The following UGCG variants were observed in gnomAD, a reference collection of about 807,000 sequenced individuals.
UGCG encodes the protein UDP-glucose ceramide glucosyltransferase, also known as ceramide glucosyltransferase.
Under a neutral mutation model 49.5 loss-of-function variants are expected in UGCG, and 10 were observed. That is an observed-to-expected ratio of 0.20 (90% CI 0.12 to 0.34). The LOEUF (loss-of-function observed/expected upper bound fraction) is 0.34, where lower values mean the gene tolerates loss of function less well. UGCG is among the 10% of genes least tolerant of loss of function. The probability of loss-of-function intolerance (pLI) is 1.00; values close to 1 mark genes in which losing one functional copy is unlikely to be tolerated. For missense variants in UGCG, 312 were observed against 483.7 expected (o/e 0.65, Z 3.33); for synonymous variants, 182 against 158.2 (o/e 1.15, Z -1.13).
At chr9:111,908,423 A>G (rs1327527187) in intron 1 of UGCG, among the ~76,000 whole-genome samples, 3 of 152,250 alleles carry the variant, frequency 2.0e-5, no homozygotes, top group African/African-American at 4.8e-5. Context: ...TGAGGGGAGC[A>G]TAGTACGTGG....
chr9:111,929,477 C>T, intron 5 of UGCG, 23 bp from the exon 6 acceptor site: 1 of 1,593,172 alleles, frequency 6.3e-7, no homozygotes, highest in Non-Finnish European at 8.5e-7. Context: ...TCTAATCATA[C>T]ACGTTTGTGG....
chr9:111,903,813 C>A (rs1454914625), intron 1 of UGCG, among the ~76,000 whole-genome samples: 1 of 152,152 alleles, frequency 6.6e-6, no homozygotes. Context: ...CTAGGCTGGT[C>A]TCGAACTCCT....
intron 2 of UGCG, among the ~76,000 whole-genome samples, chr9:111,922,467 T>G (rs1743845379): frequency 6.6e-6 from 1 of 152,196 alleles, no homozygotes. Context: ...TTTGCTTCCT[T>G]TTGATGTCAC....
intron 2 of UGCG, 27 bp from the exon 3 acceptor site, chr9:111,922,822 A>G: frequency 6.5e-7 from 1 of 1,532,550 alleles, no homozygotes; most frequent in Non-Finnish European, 8.9e-7. Flanking sequence ...TAAAGAATTT[A>G]ATTTACATAC....
chr9:111,906,105 A>G (rs1187185570), intron 1 of UGCG, among the ~76,000 whole-genome samples: 1 of 152,068 alleles, frequency 6.6e-6, no homozygotes, highest in East Asian at 1.9e-4. Context: ...TGGTTTATTC[A>G]CTTGTGATCT....
intron 1 of UGCG, 33 bp downstream of exon 1, chr9:111,897,346 AG>A: frequency 1.3e-6 from 2 of 1,514,648 alleles, no homozygotes; most frequent in Non-Finnish European, 8.9e-7. Flanking sequence ...GGCTCGGGGC[AG>A]GGGTCCGGGC....
At chr9:111,902,940 G>A (rs373916709) in intron 1 of UGCG, among the ~76,000 whole-genome samples, 2 of 152,036 alleles carry the variant, frequency 1.3e-5, no homozygotes, top group African/African-American at 2.4e-5. Context: ...ACCACACCCC[G>A]CTAATTTTTG....
chr9:111,932,538 C>T (rs780651507), intron 8 of UGCG, among the ~76,000 whole-genome samples, 179 bp downstream of exon 8: 1 of 152,174 alleles, frequency 6.6e-6, no homozygotes, highest in Admixed American at 6.5e-5. Flanking sequence ...AGTCGATTTG[C>T]AACTTTCTAT....
At chr9:111,922,735 A>G in intron 2 of UGCG, 114 bp from the exon 3 acceptor site, 4 of 611,216 alleles carry the variant, frequency 6.5e-6, no homozygotes, top group Non-Finnish European at 1.1e-5. Context: ...CTCTTTTAAA[A>G]CTTTGCATAA....
chr9:111,899,938 C>T (rs564263480), intron 1 of UGCG, among the ~76,000 whole-genome samples: 7 of 152,190 alleles, frequency 4.6e-5, no homozygotes, highest in Admixed American at 4.6e-4. Flanking sequence ...TTCAAAGCTT[C>T]TATTGCCCTT....
chr9:111,926,078 C>T (rs1266386623), intron 4 of UGCG, among the ~76,000 whole-genome samples: 1 of 152,142 alleles, frequency 6.6e-6, no homozygotes, highest in African/African-American at 2.4e-5. Flanking sequence ...ACAGATTGTC[C>T]TTATTCCAAA....
chr9:111,896,947 C>T lies in UGCG; in HGVS notation c.-269C>T, dbSNP rs1329525206. The T allele has an allele frequency of 4.1e-5, 8 of 194,486 alleles. No individual in the cohort carries two copies. Among genetic ancestry groups the T allele is most frequent in the African/African-American group, 1.9e-4 (8 of 42,226 alleles). 12.0% of individuals were successfully genotyped at this position (194,486 alleles called of 1,614,324 possible). ...GGGAGAGGCGAACCGGAGCGCGGGA[C>T]CGCGGTCGCCCCGACCAGAGCCGGG... On this transcript the variant is annotated 5_prime_UTR_variant, in exon 1 of 9. Transcript: ENST00000374279.
At chr9:111,918,678 AATC>A (rs1838154551) in intron 2 of UGCG, among the ~76,000 whole-genome samples, 1 of 152,218 alleles carries the variant, frequency 6.6e-6, no homozygotes, top group Non-Finnish European at 1.5e-5. Context: ...TCACGCCTGT[AATC>A]CCAGCACTTT....
At chr9:111,929,447 C>T in intron 5 of UGCG, 53 bp from the exon 6 acceptor site, 1 of 1,557,116 alleles carries the variant, frequency 6.4e-7, no homozygotes, top group Non-Finnish European at 8.7e-7. Context: ...TTCGTGAACA[C>T]CATGCTTTTA....
intron 1 of UGCG, among the ~76,000 whole-genome samples, chr9:111,904,974 A>T (rs904913483): frequency 2.0e-5 from 3 of 152,192 alleles, no homozygotes; most frequent in African/African-American, 7.2e-5. Flanking sequence ...GAAAAATTTT[A>T]AAAAATTAGC....
At chr9:111,899,533 A>C (rs1029839146) in intron 1 of UGCG, among the ~76,000 whole-genome samples, 16 of 152,230 alleles carry the variant, frequency 1.1e-4, no homozygotes, top group Non-Finnish European at 1.9e-4. Context: ...CACATGTAGC[A>C]TTCTTTTCCC....
intron 2 of UGCG, chr9:111,915,045 A>G (rs903842178): frequency 1.2e-4 from 29 of 234,856 alleles, no homozygotes; most frequent in African/African-American, 4.5e-5. Context: ...ATTTTCTTCC[A>G]TAAGAGCTGG....
At chr9:111,909,955 A>G (rs896023824) in intron 1 of UGCG, among the ~76,000 whole-genome samples, 4 of 152,190 alleles carry the variant, frequency 2.6e-5, no homozygotes, top group African/African-American at 9.6e-5. Context: ...GCCCTGTGAT[A>G]TAGTCTGGCT....
Position 111,907,224 on chromosome 9 carries a change from G to A in UGCG, c.99-7381G>A, listed in dbSNP as rs138116583. Among the ~76,000 whole-genome samples the A allele has an allele frequency of 5.9e-5, 9 of 152,316 alleles. No individual in the cohort carries two copies. In the East Asian group the frequency reaches 1.7e-3, roughly 29 times the overall value. The stretch of plus-strand genomic sequence containing the variant: ...TCTCAAAGTGTTCCAAACATACTTT[G>A]ATGATAGCCTGTATCACACTGCATT... On this transcript the variant is annotated intron_variant, in intron 1 of 8. Coordinates refer to ENST00000374279, the MANE Select transcript of UGCG (RefSeq NM_003358.3).
Sources: gnomAD v4.1 joint callset for allele counts (sites outside exome capture counted in the v4.1 genomes callset) on GRCh38, gnomAD v4.1.1 for gene constraint, MANE v1.5 for transcripts, NCBI Gene and HGNC (gene_info 2026-07-23, HGNC 2026-07-21) for gene names.